The following UTRN variants were observed in gnomAD, a reference collection of about 807,000 sequenced individuals.
The protein encoded by UTRN is utrophin.
In UTRN, 283 loss-of-function variants were observed where a neutral mutation model predicts 463.9. The ratio of observed to expected loss-of-function variants is 0.61; its 90% CI spans 0.55 to 0.67. The LOEUF (loss-of-function observed/expected upper bound fraction) is 0.67, where lower values mean the gene tolerates loss of function less well. UTRN is among the 30% of genes least tolerant of loss of function. The pLI, the probability that UTRN is intolerant of heterozygous loss-of-function variation, is 0.00. For synonymous variants in UTRN, 1,442 were observed against 1,431.5 expected (o/e 1.01, Z -0.17); for missense variants, 3,922 against 4,084.3 (o/e 0.96, Z 1.08).
chr6:144,799,116 G>C (rs1350454874), intron 64 of UTRN, among the ~76,000 whole-genome samples: 1 of 152,206 alleles, frequency 6.6e-6, no homozygotes, highest in Non-Finnish European at 1.5e-5. Context: ...AAATCAGGAG[G>C]GCTGGGATTG....
intron 53 of UTRN, among the ~76,000 whole-genome samples, chr6:144,725,704 G>A (rs1300815996): frequency 1.3e-5 from 2 of 152,204 alleles, no homozygotes; most frequent in African/African-American, 2.4e-5. Context: ...CTAATTGAGA[G>A]AGTTAAAGTG....
chr6:144,791,414 A>G (rs1776743721), intron 62 of UTRN, among the ~76,000 whole-genome samples: 1 of 152,028 alleles, frequency 6.6e-6, no homozygotes, highest in African/African-American at 2.4e-5. Flanking sequence ...CTCATCAAAA[A>G]CACATTTACA....
rs564662921 is a variant in UTRN, at chr6:144,425,622, C to T, written c.406-665C>T. Reference sequence around the variant, plus strand: ...TCTTGTTTCTCTATCTTATCTCTCTCTCCATTCATTTATTCATTTATGTAT... The same window carrying T: ...TCTTGTTTCTCTATCTTATCTCTCTTTCCATTCATTTATTCATTTATGTAT... On this transcript the variant is annotated intron_variant, in intron 6 of 74. Transcript: ENST00000367545. 1.6e-4 allele frequency among the ~76,000 whole-genome samples: 25 copies of T among 152,208 alleles called. No homozygotes were observed. In the South Asian group the frequency reaches 4.8e-3, roughly 29 times the overall value.
At chr6:144,289,218 A>G (rs564376641) in intron 1 of UTRN, among the ~76,000 whole-genome samples, 37 of 152,240 alleles carry the variant, frequency 2.4e-4, no homozygotes, top group Non-Finnish European at 4.8e-4. Flanking sequence ...GCCCAGCTCA[A>G]TGACTCACAC....
intron 2 of UTRN, among the ~76,000 whole-genome samples, chr6:144,359,061 A>G (rs935237224): frequency 1.3e-5 from 2 of 152,192 alleles, no homozygotes; most frequent in African/African-American, 4.8e-5. Context: ...TCTAGTTTCA[A>G]CATTATGGAT....
chr6:144,417,433 A>G (rs1394437398), intron 3 of UTRN, among the ~76,000 whole-genome samples: 2 of 152,208 alleles, frequency 1.3e-5, no homozygotes. Flanking sequence ...AATGAAGAAG[A>G]TGATGCTGTT....
At position 144,291,719 on chromosome 6, in the gene UTRN, T is replaced by C. The variant is rs1280662825; in HGVS notation, c.-92-18T>C. The stretch of plus-strand genomic sequence containing the variant: ...TAAATACATTTTTTCAAGTCAGTAC[T>C]TTCCCTTTTCCTTTTAGGTATTGAT... On this transcript the variant is annotated intron_variant, in intron 1 of 74. Coordinates refer to ENST00000367545, the MANE Select transcript of UTRN (RefSeq NM_007124.3). 3.9e-5 allele frequency: 31 copies of C among 793,750 alleles called. No individual in the cohort carries two copies. The highest frequency in any genetic ancestry group is 5.6e-5 in the Non-Finnish European group (29 of 515,808). 49.2% of individuals were successfully genotyped at this position (793,750 alleles called of 1,614,324 possible). A position where few individuals can be genotyped will look rare whatever the true frequency, so the allele number is the denominator to read the frequency against.
chr6:144,433,917 C>A (rs1379096556), intron 9 of UTRN, among the ~76,000 whole-genome samples: 1 of 146,792 alleles, frequency 6.8e-6, no homozygotes, highest in Non-Finnish European at 1.5e-5. Context: ...CAGGCAGAGA[C>A]GCTCCTCACT....
intron 17 of UTRN, among the ~76,000 whole-genome samples, chr6:144,450,574 C>T (rs1788172320): frequency 6.6e-6 from 1 of 152,180 alleles, no homozygotes; most frequent in African/African-American, 2.4e-5. Flanking sequence ...CTTTCCATTG[C>T]TTACTAGACT....
intron 55 of UTRN, among the ~76,000 whole-genome samples, chr6:144,750,210 AT>A (rs1330562935): frequency 6.8e-6 from 1 of 147,868 alleles, no homozygotes; most frequent in East Asian, 2.1e-4. Context: ...TTAATTGTGA[AT>A]TTTTTACACT....
At position 144,690,072 on chromosome 6, in the gene UTRN, C is replaced by CTATTTTTTTTT. The variant is rs1428641511; in HGVS notation, c.7653-10014_7653-10013insATTTTTTTTTT. Among the ~76,000 whole-genome samples the CTATTTTTTTTT allele has an allele frequency of 1.7e-4, 6 of 35,662 alleles. 1 individual carries two copies. Among genetic ancestry groups the CTATTTTTTTTT allele is most frequent in the African/African-American group, 4.9e-4 (4 of 8,126 alleles). The allele number at this position is 35,662 out of a possible 152,430, so 23.4% of individuals were successfully genotyped here. ...GGGGCCATAGAGCTCCCAAAAGTTT[C>CTATTTTTTTTT]TGTTTTTTTTTTTTTTTTTTTTTTG... On this transcript the variant is annotated intron_variant, in intron 52 of 74. Coordinates refer to ENST00000367545, the MANE Select transcript of UTRN (RefSeq NM_007124.3).
chr6:144,833,100 G>A (rs945602559), intron 69 of UTRN, among the ~76,000 whole-genome samples: 5 of 152,130 alleles, frequency 3.3e-5, no homozygotes, highest in African/African-American at 7.2e-5. Context: ...GATTACAGGC[G>A]TGAGCCACCG....
Position 144,493,332 on chromosome 6 carries a change from T to C in UTRN, c.4469T>C (p.Leu1490Pro). The change falls in exon 33 of 75, where the codon CTT becomes CCT. Residue 1490 changes from leucine (L) to proline (P), a missense_variant. By Grantham distance (98) the Leu-to-Pro change is moderately conservative. This residue lies in a region of UTRN where 2,349 missense variants were observed against 2,303.8 expected (regional missense o/e 1.02). Transcript: ENST00000367545. The part of the protein sequence containing the change: ...KLYKTLSEVK[L>P]EVETVIKTGR... The stretch of plus-strand genomic sequence containing the variant: ...TATAAAACTTTGAGTGAAGTCAAAC[T>C]TGAAGTGGAAACTGTGATTAAAACA... 1 of 1,614,132 alleles carries C rather than the reference T, an allele frequency of 6.2e-7. No individual in the cohort carries two copies. Among genetic ancestry groups the C allele is most frequent in the Non-Finnish European group, 8.5e-7 (1 of 1,179,990 alleles).
intron 63 of UTRN, among the ~76,000 whole-genome samples, chr6:144,794,383 C>T (rs1014267529): frequency 6.6e-6 from 1 of 152,150 alleles, no homozygotes; most frequent in Admixed American, 6.5e-5. Context: ...TTCCCCATTG[C>T]CCACTACCTC....
chr6:144,684,775 A>G (rs1782577393), intron 52 of UTRN, among the ~76,000 whole-genome samples: 1 of 152,150 alleles, frequency 6.6e-6, no homozygotes, highest in Non-Finnish European at 1.5e-5. Context: ...GCCTTCCTTC[A>G]TTAGCTTATT....
At chr6:144,843,272 A>G (rs1260666592) in intron 73 of UTRN, among the ~76,000 whole-genome samples, 1 of 151,998 alleles carries the variant, frequency 6.6e-6, no homozygotes, top group Non-Finnish European at 1.5e-5. Context: ...GTGTTTCAAT[A>G]TACACCTTGT....
At chr6:144,437,521 T>C in intron 10 of UTRN, 44 bp from the exon 11 acceptor site, 1 of 1,509,122 alleles carries the variant, frequency 6.6e-7, no homozygotes. Context: ...CTTTTTTTTT[T>C]TTGCACTGAG....
At chr6:144,502,506 G>A (rs1794295827) in intron 34 of UTRN, among the ~76,000 whole-genome samples, 1 of 151,910 alleles carries the variant, frequency 6.6e-6, no homozygotes, top group Non-Finnish European at 1.5e-5. Flanking sequence ...GAGAATATGT[G>A]GTGTTTGGTT....
intron 52 of UTRN, among the ~76,000 whole-genome samples, chr6:144,693,916 C>A (rs1425306343): frequency 6.6e-6 from 1 of 152,146 alleles, no homozygotes; most frequent in Non-Finnish European, 1.5e-5. Flanking sequence ...CTGGGCAGGA[C>A]TTCCAATATT....
Sources: allele counts gnomAD v4.1 joint callset (sites outside exome capture counted in the v4.1 genomes callset), GRCh38; gene constraint gnomAD v4.1.1; regional missense constraint gnomAD v4.1.1; transcripts MANE v1.5; gene names NCBI Gene and HGNC (gene_info 2026-07-23, HGNC 2026-07-21).